Variants in SYT9 observed in about 807,000 individuals in gnomAD.
The protein encoded by SYT9 is synaptotagmin-9.
Under a neutral mutation model 48.4 loss-of-function variants are expected in SYT9, and 22 were observed. That is an observed-to-expected ratio of 0.45 (90% CI 0.32 to 0.65). SYT9 has a LOEUF of 0.65. SYT9 is among the 30% of genes least tolerant of loss of function. SYT9 has a pLI of 0.03. For synonymous variants in SYT9, 265 were observed against 245.0 expected, an observed-to-expected ratio of 1.08 and a Z score of -0.76; for missense variants, 577 against 622.0, an observed-to-expected ratio of 0.93 and a Z score of 0.77.
chr11:7,249,390 G>A (rs1366569662), upstream of SYT9, among the ~76,000 whole-genome samples: 1 of 152,204 alleles, frequency 6.6e-6, no homozygotes, highest in Non-Finnish European at 1.5e-5. Context: ...GAGGGGAACA[G>A]ACTTGACTTC....
At chr11:7,280,901 A>G (rs1411522368) in intron 1 of SYT9, among the ~76,000 whole-genome samples, 1 of 152,240 alleles carries the variant, frequency 6.6e-6, no homozygotes. Flanking sequence ...ATCTTTGAAT[A>G]TCACCTTTGA....
chr11:7,282,886 A>G (rs955185296), intron 1 of SYT9, among the ~76,000 whole-genome samples: 4 of 151,622 alleles, frequency 2.6e-5, no homozygotes, highest in African/African-American at 9.7e-5. Flanking sequence ...ATAATTATCC[A>G]AGTAATATAT....
intron 3 of SYT9, among the ~76,000 whole-genome samples, chr11:7,348,847 CTG>C (rs1849853734): frequency 6.6e-6 from 1 of 151,846 alleles, no homozygotes; most frequent in African/African-American, 2.4e-5. Flanking sequence ...TGTCTCTGCT[CTG>C]TGTATTTCTC....
intron 3 of SYT9, among the ~76,000 whole-genome samples, chr11:7,358,580 T>C (rs1016608907): frequency 6.6e-5 from 10 of 152,310 alleles, no homozygotes; most frequent in African/African-American, 2.4e-4. Flanking sequence ...CTTTGGTGAA[T>C]GTTTGATGGA....
chr11:7,465,772 G>A (rs578255923), intron 6 of SYT9: 7 of 183,248 alleles, frequency 3.8e-5, no homozygotes, highest in Admixed American at 1.2e-4. Context: ...TGGCTGGGGA[G>A]GCCTCAGAAT....
chr11:7,342,928 G>C (rs571759959), intron 3 of SYT9, among the ~76,000 whole-genome samples: 4 of 152,236 alleles, frequency 2.6e-5, no homozygotes, highest in Non-Finnish European at 5.9e-5. Flanking sequence ...TCAACACTAT[G>C]TGGAAGTTGC....
chr11:7,374,983 G>T (rs191538219), intron 3 of SYT9, among the ~76,000 whole-genome samples: 27 of 152,272 alleles, frequency 1.8e-4, no homozygotes, highest in Admixed American at 1.7e-3. Flanking sequence ...TTTTAGTCAT[G>T]AAGTCTTTGC....
Position 7,468,194 on chromosome 11 carries a change from G to C in SYT9, c.*1394G>C. On this transcript the variant is annotated 3_prime_UTR_variant, in exon 7 of 7. Coordinates refer to ENST00000318881, the MANE Select transcript of SYT9 (RefSeq NM_175733.4). Reference sequence around the variant, plus strand: ...AGTTGGATTGTAGTTTACCTTCCTGGAAAGCTCATTATCTCTGTTTGAATT... The same window carrying C: ...AGTTGGATTGTAGTTTACCTTCCTGCAAAGCTCATTATCTCTGTTTGAATT... The C allele has an allele frequency of 2.5e-6, 1 of 398,516 alleles. No individual in the cohort carries two copies. The highest frequency in any genetic ancestry group is 4.4e-6 in the Non-Finnish European group (1 of 225,986). 24.7% of individuals were successfully genotyped at this position (398,516 alleles called of 1,614,324 possible).
intron 2 of SYT9, among the ~76,000 whole-genome samples, chr11:7,312,540 G>A (rs917167104): frequency 2.0e-5 from 3 of 152,176 alleles, no homozygotes; most frequent in African/African-American, 4.8e-5. Context: ...ACACAGATCA[G>A]ACAGGCTTTA....
intron 3 of SYT9, among the ~76,000 whole-genome samples, chr11:7,338,054 GT>G: frequency 6.6e-6 from 1 of 152,224 alleles, no homozygotes; most frequent in South Asian, 2.1e-4. Flanking sequence ...TTACTGGCCT[GT>G]TAAGGGATTC....
intron 6 of SYT9, among the ~76,000 whole-genome samples, chr11:7,460,149 A>G (rs1848212679): frequency 1.3e-5 from 2 of 152,238 alleles, no homozygotes; most frequent in South Asian, 4.1e-4. Flanking sequence ...TTATAATAGT[A>G]CATACCAAAT....
At chr11:7,406,368 T>C (rs1847009139) in intron 3 of SYT9, among the ~76,000 whole-genome samples, 1 of 152,098 alleles carries the variant, frequency 6.6e-6, no homozygotes, top group African/African-American at 2.4e-5. Context: ...TTCTAGTCTC[T>C]ATCTCCATGA....
At chr11:7,338,209 C>A (rs1033555103) in intron 3 of SYT9, among the ~76,000 whole-genome samples, 1 of 152,078 alleles carries the variant, frequency 6.6e-6, no homozygotes, top group African/African-American at 2.4e-5. Context: ...GTGGTTACAT[C>A]TCCTTTGTCA....
At chr11:7,358,947 C>G (rs1240259643) in intron 3 of SYT9, among the ~76,000 whole-genome samples, 3 of 151,990 alleles carry the variant, frequency 2.0e-5, no homozygotes, top group Admixed American at 1.3e-4. Context: ...TGCGCTGCAC[C>G]CACTAACTTG....
intron 3 of SYT9, among the ~76,000 whole-genome samples, chr11:7,350,388 G>C (rs987162919): frequency 3.3e-5 from 5 of 152,140 alleles, no homozygotes; most frequent in African/African-American, 1.2e-4. Flanking sequence ...AACCCTCTTT[G>C]TCTACCCATC....
intron 6 of SYT9, among the ~76,000 whole-genome samples, chr11:7,429,544 T>C (rs960204034): frequency 6.6e-6 from 1 of 152,224 alleles, no homozygotes; most frequent in Non-Finnish European, 1.5e-5. Context: ...ACGTATATAT[T>C]CCCTTGGTTG....
chr11:7,247,617 G>A (rs1294518592), upstream of SYT9, among the ~76,000 whole-genome samples: 54 of 140,008 alleles, frequency 3.9e-4, no homozygotes, highest in Admixed American at 2.6e-3. Context: ...ACATATATAC[G>A]TGTATATATA....
At chr11:7,242,970 C>T (rs183646177) in intron 1 of SYT9, among the ~76,000 whole-genome samples, 6 of 152,078 alleles carry the variant, frequency 3.9e-5, no homozygotes, top group East Asian at 1.9e-4. Flanking sequence ...TGCTTGAACC[C>T]GGGAGGCGGA....
chr11:7,275,856 C>T (rs1848379664), intron 1 of SYT9, among the ~76,000 whole-genome samples: 1 of 152,222 alleles, frequency 6.6e-6, no homozygotes, highest in South Asian at 2.1e-4. Flanking sequence ...TCTGTTCAGT[C>T]AGCACCTTCC....
Sources: allele counts gnomAD v4.1 joint callset (sites outside exome capture counted in the v4.1 genomes callset), GRCh38; gene constraint gnomAD v4.1.1; transcripts MANE v1.5; gene names NCBI Gene and HGNC (gene_info 2026-07-23, HGNC 2026-07-21).